Variants in TLE1 observed in about 807,000 individuals in gnomAD.
TLE1 encodes the protein TLE family member 1, transcriptional corepressor, also known as transducin-like enhancer protein 1.
Under a neutral mutation model 89.8 loss-of-function variants are expected in TLE1, and 21 were observed. That is an observed-to-expected ratio of 0.23 (90% CI 0.17 to 0.34). The LOEUF is 0.34. Ranked by LOEUF, TLE1 falls within the 10% of genes least tolerant of loss-of-function variation. The pLI is 1.00. For missense variants in TLE1, 795 were observed against 1,031.2 expected (o/e 0.77, Z 3.14); for synonymous variants, 447 against 407.6 (o/e 1.10, Z -1.16).
intron 4 of TLE1, among the ~76,000 whole-genome samples, chr9:81,661,852 G>T (rs191896895): frequency 1.6e-4 from 24 of 152,228 alleles, no homozygotes; most frequent in African/African-American, 4.8e-4. Flanking sequence ...AGGAAGTTAA[G>T]GCAATTTTTA....
At chr9:81,591,634 C>T (rs1458804393) in intron 15 of TLE1, among the ~76,000 whole-genome samples, 1 of 152,120 alleles carries the variant, frequency 6.6e-6, no homozygotes, top group African/African-American at 2.4e-5. Context: ...CTCATATGAT[C>T]AACTCCTGAA....
intron 4 of TLE1, among the ~76,000 whole-genome samples, chr9:81,664,370 A>G (rs1254101329): frequency 6.6e-6 from 1 of 152,228 alleles, no homozygotes. Context: ...GGAAAGGAAG[A>G]GTTCTTTGCC....
intron 6 of TLE1, among the ~76,000 whole-genome samples, chr9:81,647,229 ACT>A (rs1011409812): frequency 2.0e-5 from 3 of 151,982 alleles, no homozygotes; most frequent in Non-Finnish European, 4.4e-5. Flanking sequence ...ATGTCTTCTA[ACT>A]CTCTCTTCCC....
intron 6 of TLE1, among the ~76,000 whole-genome samples, chr9:81,640,384 A>G (rs1827954561): frequency 1.4e-5 from 2 of 145,720 alleles, no homozygotes; most frequent in East Asian, 4.0e-4. Context: ...TTCCACTAAC[A>G]ATTTCAAAAA....
intron 4 of TLE1, among the ~76,000 whole-genome samples, chr9:81,678,390 A>T (rs1439555639): frequency 6.6e-6 from 1 of 152,068 alleles, no homozygotes; most frequent in African/African-American, 2.4e-5. Context: ...ATTTTTTTTA[A>T]ATCTTTTATT....
chr9:81,630,692 C>T (rs1826472691), intron 8 of TLE1, among the ~76,000 whole-genome samples: 2 of 152,174 alleles, frequency 1.3e-5, no homozygotes, highest in African/African-American at 2.4e-5. Context: ...CAGCAGCAAA[C>T]AGCAATTGGC....
At chr9:81,671,624 G>A (rs2627017) in intron 4 of TLE1, among the ~76,000 whole-genome samples, 3 of 149,872 alleles carry the variant, frequency 2.0e-5, no homozygotes, top group African/African-American at 4.9e-5. Context: ...CAACCTGGGC[G>A]ACAGAGTGAG....
At chr9:81,601,066 T>C (rs997534257) in intron 14 of TLE1, among the ~76,000 whole-genome samples, 5 of 152,168 alleles carry the variant, frequency 3.3e-5, no homozygotes, top group Admixed American at 2.0e-4. Context: ...CATATCCATA[T>C]CTATAGTTTA....
At chr9:81,639,360 T>C (rs569432115) in intron 6 of TLE1, among the ~76,000 whole-genome samples, 2 of 152,190 alleles carry the variant, frequency 1.3e-5, no homozygotes, top group East Asian at 2.0e-4. Context: ...CTACCATAGC[T>C]GGCCTGCATC....
chr9:81,616,455 A>T (rs1824526662), intron 10 of TLE1, among the ~76,000 whole-genome samples, 191 bp downstream of exon 10: 2 of 152,186 alleles, frequency 1.3e-5, no homozygotes, highest in African/African-American at 4.8e-5. Context: ...ATCTTTTTTT[A>T]AAGGAAATAA....
At chr9:81,651,131 T>C (rs1395042543) in intron 6 of TLE1, among the ~76,000 whole-genome samples, 1 of 152,194 alleles carries the variant, frequency 6.6e-6, no homozygotes, top group Non-Finnish European at 1.5e-5. Flanking sequence ...GCATGTCTAA[T>C]TATCATTACA....
intron 6 of TLE1, among the ~76,000 whole-genome samples, chr9:81,641,273 C>T (rs1828081169): frequency 6.6e-6 from 1 of 152,010 alleles, no homozygotes; most frequent in Non-Finnish European, 1.5e-5. Context: ...TGCAAAAGAG[C>T]TGTCTGGCAG....
intron 11 of TLE1, among the ~76,000 whole-genome samples, chr9:81,615,515 A>G (rs1403641663): frequency 6.9e-6 from 1 of 145,056 alleles, no homozygotes; most frequent in Non-Finnish European, 1.5e-5. Context: ...CCTGACAAAC[A>G]TGGCAAAACC....
chr9:81,592,942 A>G (rs2796471), intron 15 of TLE1, 83 bp downstream of exon 15: 473,427 of 1,523,764 alleles, frequency 0.31, 77,838 homozygotes, highest in Middle Eastern at 0.43. Flanking sequence ...CATAATGGGA[A>G]TAAAACCCAG....
At chr9:81,616,832 A>G (rs1490734634) in intron 9 of TLE1, 133 bp from the exon 10 acceptor site, 1 of 909,968 alleles carries the variant, frequency 1.1e-6, no homozygotes, top group Admixed American at 2.3e-5. Context: ...CAGGCTCTCT[A>G]TCAGTTTGCC....
chr9:81,656,727 C>T (rs1000590510), intron 4 of TLE1, among the ~76,000 whole-genome samples: 10 of 152,168 alleles, frequency 6.6e-5, no homozygotes, highest in Non-Finnish European at 1.2e-4. Context: ...TACAGATTAA[C>T]AAGTACCTTG....
At chr9:81,603,638 C>A (rs1165909628) in intron 14 of TLE1, among the ~76,000 whole-genome samples, 30 of 152,216 alleles carry the variant, frequency 2.0e-4, no homozygotes, top group Admixed American at 2.0e-3. Flanking sequence ...TACTTCCCCA[C>A]AATTTACTGC....
At chr9:81,676,567 G>T (rs1832930081) in intron 4 of TLE1, among the ~76,000 whole-genome samples, 1 of 152,176 alleles carries the variant, frequency 6.6e-6, no homozygotes, top group Admixed American at 6.5e-5. Context: ...AGGATAAAAG[G>T]AAATGCAGGA....
intron 6 of TLE1, among the ~76,000 whole-genome samples, chr9:81,640,623 G>A (rs1050234742): frequency 7.9e-5 from 12 of 152,082 alleles, no homozygotes; most frequent in African/African-American, 2.9e-4. Context: ...AAACCCACAA[G>A]GAATAAAGCG....
Sources: gnomAD v4.1 joint callset for allele counts (sites outside exome capture counted in the v4.1 genomes callset) on GRCh38, gnomAD v4.1.1 for gene constraint, MANE v1.5 for transcripts, NCBI Gene and HGNC (gene_info 2026-07-23, HGNC 2026-07-21) for gene names.